The following DPP10 variants were observed in gnomAD, a reference collection of about 807,000 sequenced individuals.
DPP10 encodes the protein inactive dipeptidyl peptidase 10.
A neutral mutation model predicts 120.9 loss-of-function variants in DPP10; 33 were observed. That is an observed-to-expected ratio of 0.27 (90% CI 0.21 to 0.37). The LOEUF (loss-of-function observed/expected upper bound fraction) is 0.37, where lower values mean the gene tolerates loss of function less well. DPP10 is among the 10% of genes least tolerant of loss of function. The pLI is 1.00. For missense variants in DPP10, 816 were observed against 942.8 expected, an observed-to-expected ratio of 0.87 and a Z score of 1.76; for synonymous variants, 337 against 326.1, an observed-to-expected ratio of 1.03 and a Z score of -0.36.
intron 1 of DPP10, among the ~76,000 whole-genome samples, chr2:114,930,409 A>T (rs953438091): frequency 1.3e-5 from 2 of 152,224 alleles, no homozygotes; most frequent in Admixed American, 1.3e-4. Context: ...TTAGAAATTT[A>T]TTCTCTCAGA....
At chr2:114,453,521 T>C (rs13419828) in intron 1 of DPP10, among the ~76,000 whole-genome samples, 19,430 of 152,184 alleles carry the variant, frequency 0.13, 2,949 homozygotes, top group African/African-American at 0.37. Context: ...ATCACAATTA[T>C]GTCTTCTCTG....
At chr2:114,673,198 A>C (rs1207462079) in intron 1 of DPP10, among the ~76,000 whole-genome samples, 1 of 152,112 alleles carries the variant, frequency 6.6e-6, no homozygotes, top group Non-Finnish European at 1.5e-5. Flanking sequence ...CTCCAGACTA[A>C]CTTGCACAAG....
chr2:114,788,564 C>A (rs1682969032), intron 1 of DPP10, among the ~76,000 whole-genome samples: 1 of 152,002 alleles, frequency 6.6e-6, no homozygotes, highest in Admixed American at 6.6e-5. Flanking sequence ...TACAGGCGCC[C>A]ACCACCACGC....
At chr2:115,156,389 G>A (rs2420884) in intron 1 of DPP10, among the ~76,000 whole-genome samples, 18,132 of 152,104 alleles carry the variant, frequency 0.12, 1,420 homozygotes, top group East Asian at 0.29. Context: ...CAGAATCTTC[G>A]ACTATCTCTT....
intron 1 of DPP10, among the ~76,000 whole-genome samples, chr2:114,596,925 G>A (rs1327569137): frequency 6.6e-6 from 1 of 151,974 alleles, no homozygotes. Context: ...GTTATATGTA[G>A]CCATTGTCCT....
intron 1 of DPP10, chr2:115,234,481 C>G (rs1352312348): frequency 6.6e-6 from 1 of 152,524 alleles, no homozygotes; most frequent in African/African-American, 2.4e-5. Flanking sequence ...AGGTCAATAG[C>G]TAGATTTTAC....
chr2:114,585,436 G>A (rs1690879460), intron 1 of DPP10, among the ~76,000 whole-genome samples: 1 of 152,158 alleles, frequency 6.6e-6, no homozygotes, highest in South Asian at 2.1e-4. Flanking sequence ...CACCCAGATA[G>A]TCTCTCATTT....
chr2:114,874,673 T>A (rs1025553395), intron 1 of DPP10, among the ~76,000 whole-genome samples: 1 of 152,044 alleles, frequency 6.6e-6, no homozygotes, highest in Non-Finnish European at 1.5e-5. Flanking sequence ...TGTACTAGAA[T>A]CATCCCAAAA....
At chr2:115,511,488 AT>A (rs2077221406) in intron 4 of DPP10, among the ~76,000 whole-genome samples, 2 of 151,698 alleles carry the variant, frequency 1.3e-5, no homozygotes, top group Admixed American at 1.3e-4. Context: ...AGGCTTGCCA[AT>A]TTTATTTTTC....
intron 21 of DPP10, among the ~76,000 whole-genome samples, chr2:115,820,923 A>G (rs1687755754): frequency 6.6e-6 from 1 of 151,788 alleles, no homozygotes; most frequent in East Asian, 1.9e-4. Flanking sequence ...TACTGCTATA[A>G]ACATGCATAT....
At position 115,715,339 on chromosome 2, in the gene DPP10, CAAAAA is replaced by C. The variant is rs546857779; in HGVS notation, c.577-12457_577-12453del. Reference sequence around the variant, plus strand: ...GGGCAACAAGAGCAAAACTCCGTCTCAAAAAAAAAAAAAAAAAAAAAAAAGAAAGA... The same window carrying C: ...GGGCAACAAGAGCAAAACTCCGTCTCAAAAAAAAAAAAAAAAAAAGAAAGA... On this transcript the variant is annotated intron_variant, in intron 7 of 25. Transcript: ENST00000410059. Among the ~76,000 whole-genome samples the C allele has an allele frequency of 3.1e-4, 21 of 67,660 alleles. 1 individual carries two copies. Among genetic ancestry groups the C allele is most frequent in the African/African-American group, 2.8e-4 (4 of 14,194 alleles). The allele number at this position is 67,660 out of a possible 152,430, so 44.4% of individuals were successfully genotyped here.
intron 1 of DPP10, among the ~76,000 whole-genome samples, chr2:114,707,938 G>T (rs924265914): frequency 6.6e-6 from 1 of 152,100 alleles, no homozygotes; most frequent in Non-Finnish European, 1.5e-5. Flanking sequence ...TTCTACAAAG[G>T]TTTCTAAGTG....
At chr2:115,332,503 T>G (rs549996115) in intron 2 of DPP10, among the ~76,000 whole-genome samples, 1 of 152,286 alleles carries the variant, frequency 6.6e-6, no homozygotes, top group East Asian at 1.9e-4. Flanking sequence ...TCTAGTTCTT[T>G]TAATTGTGTT....
chr2:114,733,676 A>G (rs1277250533), intron 1 of DPP10, among the ~76,000 whole-genome samples: 1 of 152,116 alleles, frequency 6.6e-6, no homozygotes, highest in Admixed American at 6.6e-5. Context: ...CCCTTCCTTT[A>G]TGTTTTAGAT....
At chr2:115,403,381 C>CTTTTTTTTTTT (rs78116780) in intron 3 of DPP10, among the ~76,000 whole-genome samples, 2 of 118,464 alleles carry the variant, frequency 1.7e-5, no homozygotes, top group South Asian at 2.9e-4. Flanking sequence ...TTCTTTCCTT[C>CTTTTTTTTTTT]TTTTTTTTTT....
chr2:114,998,664 G>T (rs1489388213), intron 1 of DPP10, among the ~76,000 whole-genome samples: 1 of 152,132 alleles, frequency 6.6e-6, no homozygotes, highest in Non-Finnish European at 1.5e-5. Flanking sequence ...GCAGAATAAA[G>T]AGACATCTTA....
At chr2:115,664,615 G>T (rs2089293555) in intron 5 of DPP10, among the ~76,000 whole-genome samples, 2 of 152,146 alleles carry the variant, frequency 1.3e-5, no homozygotes, top group African/African-American at 4.8e-5. Context: ...CTGGAAGCTT[G>T]TCAGTAGAAT....
At chr2:115,081,801 C>G (rs991790207) in intron 1 of DPP10, among the ~76,000 whole-genome samples, 5 of 152,154 alleles carry the variant, frequency 3.3e-5, no homozygotes, top group Non-Finnish European at 7.3e-5. Flanking sequence ...CTAATTCTAC[C>G]GAGGTTCTAC....
chr2:115,489,076 A>C (rs184328724), intron 3 of DPP10, among the ~76,000 whole-genome samples: 2 of 152,244 alleles, frequency 1.3e-5, no homozygotes, highest in Admixed American at 1.3e-4. Context: ...GAATGAGGCA[A>C]ACAATTAATA....
Sources: allele counts gnomAD v4.1 joint callset (sites outside exome capture counted in the v4.1 genomes callset), GRCh38; gene constraint gnomAD v4.1.1; transcripts MANE v1.5; gene names NCBI Gene and HGNC (gene_info 2026-07-23, HGNC 2026-07-21).